Variants in DDX60L observed in about 807,000 individuals in gnomAD.
The protein encoded by DDX60L is DExD/H-box 60 like.
Under a neutral mutation model 211.6 loss-of-function variants are expected in DDX60L, and 191 were observed. The ratio of observed to expected loss-of-function variants is 0.90; its 90% CI spans 0.80 to 1.02. The LOEUF (loss-of-function observed/expected upper bound fraction) is 1.02, where lower values mean the gene tolerates loss of function less well. Among genes scored for constraint, DDX60L ranks in the 50% least tolerant of loss-of-function variants. The pLI is 0.00. For synonymous variants in DDX60L, 706 were observed against 694.1 expected (o/e 1.02, Z -0.27); for missense variants, 2,007 against 1,984.1 (o/e 1.01, Z -0.22).
At chr4:168,408,317 T>C (rs1748110567) in intron 22 of DDX60L, among the ~76,000 whole-genome samples, 1 of 152,214 alleles carries the variant, frequency 6.6e-6, no homozygotes, top group South Asian at 2.1e-4. Context: ...ATATAATGTA[T>C]ACAATATGCT....
At chr4:168,465,997 G>C (rs1421437603) in intron 4 of DDX60L, among the ~76,000 whole-genome samples, 1 of 151,984 alleles carries the variant, frequency 6.6e-6, no homozygotes, top group East Asian at 1.9e-4. Context: ...AATCACAAGA[G>C]ATGTTAGAAA....
At chr4:168,402,453 G>T (rs1429787085) in intron 25 of DDX60L, among the ~76,000 whole-genome samples, 1 of 151,574 alleles carries the variant, frequency 6.6e-6, no homozygotes. Context: ...TAGTGAATGG[G>T]CCTCAATCAG....
chr4:168,435,656 T>A, intron 10 of DDX60L, among the ~76,000 whole-genome samples: 1 of 152,172 alleles, frequency 6.6e-6, no homozygotes, highest in South Asian at 2.1e-4. Context: ...CAGGAGCTAT[T>A]TACTTTCAGC....
intron 22 of DDX60L, among the ~76,000 whole-genome samples, chr4:168,411,778 T>C (rs965103834): frequency 2.0e-5 from 3 of 151,910 alleles, no homozygotes; most frequent in Non-Finnish European, 4.4e-5. Context: ...TAGGGAGTGA[T>C]TGCATCATCC....
At chr4:168,403,915 T>C (rs1308900568) in intron 25 of DDX60L, 67 bp downstream of exon 25, 1 of 1,053,766 alleles carries the variant, frequency 9.5e-7, no homozygotes, top group Non-Finnish European at 1.3e-6. Flanking sequence ...ATGAGACTAA[T>C]TGAAAACAAA....
rs140642755 is a variant in DDX60L, at chr4:168,410,961, A to G, written c.2980-4255T>C. On this transcript the variant is annotated intron_variant, in intron 22 of 37. Transcript: ENST00000682922. ...GAAAGGATAATGTCTGTAAATAAAG[A>G]AAAGGAATAAACTAACCAAAGAACC... is the stretch of plus-strand genomic sequence containing the variant. Among the ~76,000 whole-genome samples the G allele has an allele frequency of 8.5e-4, 129 of 152,348 alleles. 3 individuals carry two copies. The highest frequency in any genetic ancestry group is 9.6e-4 in the African/African-American group (40 of 41,574).
Position 168,356,803 on chromosome 4 carries a change from G to C in DDX60L, c.*1344C>G, listed in dbSNP as rs1032527015. 6.6e-6 allele frequency: 1 copy of C among 152,106 alleles called. No homozygotes were observed. Among genetic ancestry groups the C allele is most frequent in the Non-Finnish European group, 1.5e-5 (1 of 68,014 alleles). 9.4% of individuals were successfully genotyped at this position (152,106 alleles called of 1,614,324 possible). On this transcript the variant is annotated 3_prime_UTR_variant, in exon 38 of 38. Coordinates refer to ENST00000682922, the MANE Select transcript of DDX60L (RefSeq NM_001012967.3). ...ACTACATAAACTACAACAATACCAAGTTTTCAGCTAATTGTTTGCTTAAAG... is the reference window on the plus strand; with the variant it reads ...ACTACATAAACTACAACAATACCAACTTTTCAGCTAATTGTTTGCTTAAAG...
At chr4:168,390,595 T>A in intron 29 of DDX60L, 2 of 928,176 alleles carry the variant, frequency 2.2e-6, no homozygotes, top group Non-Finnish European at 1.5e-6. Context: ...TTATATTTTA[T>A]AATTTATCTT....
At chr4:168,369,337 T>A (rs1343246952) in intron 36 of DDX60L, among the ~76,000 whole-genome samples, 1 of 152,184 alleles carries the variant, frequency 6.6e-6, no homozygotes, top group Non-Finnish European at 1.5e-5. Flanking sequence ...TCTGCGGCCA[T>A]GTGAGACATG....
chr4:168,461,788 C>T lies in DDX60L; in HGVS notation c.517G>A (p.Val173Met). The T allele has an allele frequency of 1.2e-6, 2 of 1,604,910 alleles. No homozygotes were observed. The highest frequency in any genetic ancestry group is 4.5e-5 in the East Asian group (2 of 44,774). The change falls in exon 5 of 38, where the codon GTG becomes ATG. Residue 173 changes from valine (V) to methionine (M), a missense_variant. By Grantham distance (21) the Val-to-Met change is conservative. Transcript: ENST00000682922. ...IHSWGMKVNV[V>M]LSSGHESDTL... ...TCAGATTCATGCCCTGATGAAAGCA[C>T]AACATTGACTTTCATTCCCCAGGAA...
chr4:168,401,075 G>T (rs1210261944), intron 25 of DDX60L, 97 bp from the exon 26 acceptor site: 15 of 1,123,476 alleles, frequency 1.3e-5, no homozygotes, highest in Non-Finnish European at 1.9e-5. Flanking sequence ...CATCTGAATA[G>T]ACTTCATCCT....
In DDX60L at chr4:168,471,823, T is replaced by C; in HGVS notation, c.188A>G (p.His63Arg). The change falls in exon 4 of 38, where the codon CAC becomes CGC. Residue 63 changes from histidine (H) to arginine (R), a missense_variant. By Grantham distance (29) the His-to-Arg change is conservative. Coordinates refer to ENST00000682922, the MANE Select transcript of DDX60L (RefSeq NM_001012967.3). ...ATAGCATTCAACCAGATAGAAAAAG[T>C]GGAGATTCTGTCCCCACTTGAATGA... ...VKSFKWGQNL[H>R]FFYLVECYLV... 2 of 1,613,756 alleles carry C rather than the reference T, an allele frequency of 1.2e-6. No individual in the cohort carries two copies. Among genetic ancestry groups the C allele is most frequent in the Non-Finnish European group, 8.5e-7 (1 of 1,179,880 alleles).
At chr4:168,427,373 G>T in intron 13 of DDX60L, 51 bp from the exon 14 acceptor site, 1 of 1,570,870 alleles carries the variant, frequency 6.4e-7, no homozygotes. Context: ...ATTCCATTAT[G>T]ACATTTCACT....
intron 8 of DDX60L, among the ~76,000 whole-genome samples, chr4:168,449,628 ACAT>A (rs1755393355): frequency 3.6e-5 from 2 of 55,966 alleles, no homozygotes; most frequent in Admixed American, 2.5e-4. Flanking sequence ...AAAAAAAAAA[ACAT>A]TAAAACAAAA....
At position 168,406,639 on chromosome 4, in the gene DDX60L, G is replaced by GTA; in HGVS notation, c.3045_3046dup (p.Thr1016IlefsTer28). 4.4e-6 allele frequency: 7 copies of GTA among 1,605,694 alleles called. No homozygotes were observed. The highest frequency in any genetic ancestry group is 1.3e-5 in the African/African-American group (1 of 74,804). On this transcript the variant is annotated frameshift_variant, in exon 23 of 38. Transcript: ENST00000682922. LOFTEE classifies it high-confidence loss of function. ...CCAAGTTTCCCAGACTTGAGCCATGGTATCATAAAGCTGGATGCTTTCTTG... is the reference window on the plus strand; with the variant it reads ...CCAAGTTTCCCAGACTTGAGCCATGGTATATCATAAAGCTGGATGCTTTCTTG...
chr4:168,391,817 C>T (rs893073613), intron 28 of DDX60L, among the ~76,000 whole-genome samples, 173 bp from the exon 29 acceptor site: 4 of 152,194 alleles, frequency 2.6e-5, no homozygotes, highest in African/African-American at 9.7e-5. Context: ...ATTCAAAGAA[C>T]ATTGCTACTT....
rs368307769 is a variant in DDX60L at position 168,358,100 on chromosome 4, C to T, written c.*47G>A. 2 of 1,541,662 alleles carry T rather than the reference C, an allele frequency of 1.3e-6. No homozygotes were observed. Among genetic ancestry groups the T allele is most frequent in the South Asian group, 2.3e-5 (2 of 85,572 alleles). ...GTAAGCTTAATTATATCTCTCCTTGCAAAGGGATAAATACCACATAATCAG... is the reference window on the plus strand; with the variant it reads ...GTAAGCTTAATTATATCTCTCCTTGTAAAGGGATAAATACCACATAATCAG... On this transcript the variant is annotated 3_prime_UTR_variant, in exon 38 of 38. Coordinates refer to ENST00000682922, the MANE Select transcript of DDX60L (RefSeq NM_001012967.3).
intron 27 of DDX60L, among the ~76,000 whole-genome samples, chr4:168,395,507 T>C (rs1579355867): frequency 6.6e-6 from 1 of 152,192 alleles, no homozygotes; most frequent in Non-Finnish European, 1.5e-5. Flanking sequence ...TGGACATAAA[T>C]TACTTGCATA....
intron 22 of DDX60L, among the ~76,000 whole-genome samples, chr4:168,411,705 C>T (rs1421913242): frequency 2.6e-5 from 4 of 152,096 alleles, no homozygotes; most frequent in Non-Finnish European, 5.9e-5. Flanking sequence ...TGGTGCTGTG[C>T]TGGGCTCAGA....
Sources: gnomAD v4.1 joint callset for allele counts (sites outside exome capture counted in the v4.1 genomes callset) on GRCh38, gnomAD v4.1.1 for gene constraint, MANE v1.5 for transcripts, NCBI Gene and HGNC (gene_info 2026-07-23, HGNC 2026-07-21) for gene names.